Variants in NEU1 observed in about 807,000 individuals in gnomAD.
The protein encoded by NEU1 is sialidase-1.
In NEU1, 32 loss-of-function variants were observed where a neutral mutation model predicts 38.3. That is an observed-to-expected ratio of 0.84 (90% CI 0.63 to 1.12). NEU1 has a LOEUF of 1.12. Among genes scored for constraint, NEU1 ranks in the 50% most tolerant of loss-of-function variants. NEU1 has a pLI of 0.00. For synonymous variants in NEU1, 192 were observed against 225.2 expected, an observed-to-expected ratio of 0.85 and a Z score of 1.32; for missense variants, 431 against 549.2, an observed-to-expected ratio of 0.78 and a Z score of 2.15.
At position 31,860,525 on chromosome 6, in the gene NEU1, C is replaced by CTCTG; in HGVS notation, c.711_712insCAGA (p.Ala238GlnfsTer23). Reference sequence around the variant, plus strand: ...ACCCCACTTCCGTAGCGCCAGGAGGCACCATGATCATCGCTGAGGAGACAG... The same window carrying CTCTG: ...ACCCCACTTCCGTAGCGCCAGGAGGCTCTGACCATGATCATCGCTGAGGAGACAG... On this transcript the variant is annotated frameshift_variant, in exon 4 of 6. Transcript: ENST00000375631. LOFTEE classifies it high-confidence loss of function. This position sits in a 1 kb window ranked among gnomAD's most constrained non-coding sequence, Gnocchi z 4.8. 1 of 1,614,104 alleles carries CTCTG rather than the reference C, an allele frequency of 6.2e-7. No homozygotes were observed. The highest frequency in any genetic ancestry group is 8.5e-7 in the Non-Finnish European group (1 of 1,180,026).
chr6:31,862,169 T>C lies in NEU1; in HGVS notation c.182A>G (p.Glu61Gly). The change falls in exon 2 of 6, where the codon GAG (glutamate) becomes GGG (glycine). Residue 61 changes from glutamate to glycine, a missense_variant. Coordinates refer to ENST00000375631, the MANE Select transcript of NEU1 (RefSeq NM_000434.4). This position sits in a 1 kb window ranked among gnomAD's most constrained non-coding sequence, Gnocchi z 6.3. ...TCTCCCGCTCACCCACAGCAGTTGC[T>C]CCATGGTCACCAGCGGCTGCACCTG... ...FGLVQPLVTM[E>G]QLLWVSGRQI... The C allele has an allele frequency of 6.2e-7, 1 of 1,612,894 alleles. No individual in the cohort carries two copies. Among genetic ancestry groups the C allele is most frequent in the Non-Finnish European group, 8.5e-7 (1 of 1,179,966 alleles).
chr6:31,860,913 T>C lies in NEU1; in HGVS notation c.615+275A>G. On this transcript the variant is annotated intron_variant, in intron 3 of 5. Coordinates refer to ENST00000375631, the MANE Select transcript of NEU1 (RefSeq NM_000434.4). This position sits in a 1 kb window ranked among gnomAD's most constrained non-coding sequence, Gnocchi z 4.8. ...CTGTGCACCCTGGCACAGGCTTGTG[T>C]CTGTCCAAAGAGGCAGTGCCTTTTT... 1.6e-6 allele frequency: 1 copy of C among 619,234 alleles called. No individual in the cohort carries two copies. The highest frequency in any genetic ancestry group is 2.8e-6 in the Non-Finnish European group (1 of 354,028). The allele number at this position is 619,234 out of a possible 1,614,324, so 38.4% of individuals were successfully genotyped here.
chr6:31,862,783 C>G lies in NEU1; in HGVS notation c.-7G>C. ...TGGGTCGCTCCCCAGTCATCTCTCC[C>G]CGCAGCTGCCGCGACCCTGGCAGCT... On this transcript the variant is annotated 5_prime_UTR_variant, in exon 1 of 6. Transcript: ENST00000375631. The surrounding 1 kb of genome is among the most constrained non-coding windows in gnomAD (Gnocchi z 6.3). 2 of 1,612,556 alleles carry G rather than the reference C, an allele frequency of 1.2e-6. No individual in the cohort carries two copies. The highest frequency in any genetic ancestry group is 1.3e-5 in the African/African-American group (1 of 75,054).
Position 31,860,324 on chromosome 6 carries a change from G to A in NEU1, c.799-60C>T. ...AGGGAAAATGCCCTGTCCCCGAGGG[G>A]AGCAAGGGTGTGTGGCACTGAGTGG... On this transcript the variant is annotated intron_variant, in intron 4 of 5. Transcript: ENST00000375631. This position sits in a 1 kb window ranked among gnomAD's most constrained non-coding sequence, Gnocchi z 4.8. The A allele has an allele frequency of 6.2e-7, 1 of 1,605,040 alleles. No individual in the cohort carries two copies. Among genetic ancestry groups the A allele is most frequent in the East Asian group, 2.2e-5 (1 of 44,822 alleles).
chr6:31,861,310 G>A lies in NEU1; in HGVS notation c.493C>T (p.Gln165Ter). ...CATACCAACATGGTAGAGGCCACCT[G>A]GCAGCCGGCCTTGTGAGCACAAAGG... ...YSLCAHKAGC[Q>*]VASTMLVWSK... The change falls in exon 3 of 6, where the codon CAG (glutamine) becomes TAG (stop). Residue 165 changes from glutamine to a stop codon, truncating the protein, a stop_gained. Coordinates refer to ENST00000375631, the MANE Select transcript of NEU1 (RefSeq NM_000434.4). LOFTEE classifies it high-confidence loss of function. The A allele has an allele frequency of 6.2e-7, 1 of 1,613,026 alleles. No individual in the cohort carries two copies. Among genetic ancestry groups the A allele is most frequent in the Non-Finnish European group, 8.5e-7 (1 of 1,180,030 alleles).
chr6:31,860,255 G>A lies in NEU1; in HGVS notation c.808C>T (p.Leu270Phe). ...FNPDECQPYE[L>F]PDGSVVINAR... is the part of the protein sequence containing the mutation. ...TTGATGACGACTGAGCCATCTGGGA[G>A]CTCATAGGGCTGAGGGGAGAGGACA... The change falls in exon 5 of 6, where the codon CTC becomes TTC. Residue 270 changes from leucine (L) to phenylalanine (F), a missense_variant. By Grantham distance (22) the Leu-to-Phe change is conservative. Transcript: ENST00000375631. The surrounding 1 kb of genome is among the most constrained non-coding windows in gnomAD (Gnocchi z 4.8). The A allele has an allele frequency of 1.2e-6, 2 of 1,613,192 alleles. No individual in the cohort carries two copies. The highest frequency in any genetic ancestry group is 1.7e-6 in the Non-Finnish European group (2 of 1,180,012).
In NEU1 at chr6:31,858,012, A is replaced by G. The variant is rs1245638937; in HGVS notation, c.*1707T>C. 1 of 152,218 alleles carries G rather than the reference A, an allele frequency of 6.6e-6. No individual in the cohort carries two copies. The highest frequency in any genetic ancestry group is 2.1e-4 in the South Asian group (1 of 4,816). 9.4% of individuals were successfully genotyped at this position (152,218 alleles called of 1,614,324 possible). On this transcript the variant is annotated 3_prime_UTR_variant, in exon 6 of 6. Transcript: ENST00000375631. ...CCTGAGTAGCTGGGACTATAAGTGT[A>G]AGCCAACACGCCTGGCTAGTTTTTG...
chr6:31,862,292 G>C lies in NEU1; in HGVS notation c.160-101C>G. ...AGGGAGGATCTAATGGGGATCCCGA[G>C]TAGGGGATGGGGTCCCAGAACAAGA... is the stretch of plus-strand genomic sequence containing the variant. On this transcript the variant is annotated intron_variant, in intron 1 of 5. Coordinates refer to ENST00000375631, the MANE Select transcript of NEU1 (RefSeq NM_000434.4). The surrounding 1 kb of genome is among the most constrained non-coding windows in gnomAD (Gnocchi z 6.3). 2 of 1,265,144 alleles carry C rather than the reference G, an allele frequency of 1.6e-6. No homozygotes were observed. The highest frequency in any genetic ancestry group is 2.3e-6 in the Non-Finnish European group (2 of 883,840). The allele number at this position is 1,265,144 out of a possible 1,614,324, so 78.4% of individuals were successfully genotyped here.
At chr6:31,861,908 C>T (rs1762531128) in intron 2 of NEU1, 91 bp downstream of exon 2, 2 of 1,448,528 alleles carry the variant, frequency 1.4e-6, no homozygotes, top group Admixed American at 1.7e-5. Flanking sequence ...AACCAACCCT[C>T]TAAGTTCCCC....
chr6:31,860,141 T>A lies in NEU1; in HGVS notation c.922A>T (p.Thr308Ser), dbSNP rs1301513694. 2.4e-5 allele frequency: 38 copies of A among 1,612,832 alleles called. No individual in the cohort carries two copies. The highest frequency in any genetic ancestry group is 3.2e-5 in the Non-Finnish European group (38 of 1,180,008). Reference sequence around the variant, plus strand: ...GGGTCCACGAGCTCAGGGTCGAAGGTCACATCACGGGGCCTTAGTGTATCA... The same window carrying A: ...GGGTCCACGAGCTCAGGGTCGAAGGACACATCACGGGGCCTTAGTGTATCA... ...ACDTLRPRDV[T>S]FDPELVDPVV... Residue 308 changes from threonine (T) to serine (S), a missense_variant, in exon 5 of 6, where the codon ACC (threonine) becomes TCC (serine). Thr to Ser is a moderately conservative substitution (Grantham distance 58). Coordinates refer to ENST00000375631, the MANE Select transcript of NEU1 (RefSeq NM_000434.4). The surrounding 1 kb of genome is among the most constrained non-coding windows in gnomAD (Gnocchi z 4.8).
rs144295866 is a variant in NEU1, at chr6:31,862,546, C to T, written c.159+72G>A. ...GTCGCGGAAAGTCGGCTCAGCCGCC[C>T]GCGTTCCGGGGGACACTAGGTGTCG... On this transcript the variant is annotated intron_variant, in intron 1 of 5. Transcript: ENST00000375631. The surrounding 1 kb of genome is among the most constrained non-coding windows in gnomAD (Gnocchi z 6.3). 2 of 1,607,132 alleles carry T rather than the reference C, an allele frequency of 1.2e-6. No individual in the cohort carries two copies. Among genetic ancestry groups the T allele is most frequent in the South Asian group, 2.2e-5 (2 of 90,974 alleles).
rs1428301686 is a variant in NEU1 at position 31,857,720 on chromosome 6, G to A, written c.*1999C>T. The stretch of plus-strand genomic sequence containing the variant: ...GATTCTTTTCATAAGCATCTGCCTG[G>A]GGAATATTTTCTTACATAATTTGCC... On this transcript the variant is annotated 3_prime_UTR_variant, in exon 6 of 6. Coordinates refer to ENST00000375631, the MANE Select transcript of NEU1 (RefSeq NM_000434.4). 1 of 151,868 alleles carries A rather than the reference G, an allele frequency of 6.6e-6. No homozygotes were observed. Among genetic ancestry groups the A allele is most frequent in the African/African-American group, 2.4e-5 (1 of 41,306 alleles). The allele number at this position is 151,868 out of a possible 1,614,324, so 9.4% of individuals were successfully genotyped here.
In NEU1 at chr6:31,859,852, G is replaced by A. The variant is rs1762434048; in HGVS notation, c.1115C>T (p.Ser372Phe). The A allele has an allele frequency of 6.2e-7, 1 of 1,612,980 alleles. No individual in the cohort carries two copies. The highest frequency in any genetic ancestry group is 1.3e-5 in the African/African-American group (1 of 74,926). ...CATGCTGCCCTCCAGGGTTGCCAGG[G>A]ATGAATAGCCACTGGGGCCTGGCCA... ...QLWPGPSGYS[S>F]LATLEGSMDG... The change falls in exon 6 of 6, where the codon TCC (serine) becomes TTC (phenylalanine). Residue 372 changes from serine (S) to phenylalanine (F), a missense_variant. Physicochemically the swap from Ser to Phe is radical, Grantham distance 155. Transcript: ENST00000375631.
Position 31,860,645 on chromosome 6 carries a change from C to T in NEU1, c.616-24G>A, listed in dbSNP as rs1762475650. On this transcript the variant is annotated intron_variant, in intron 3 of 5. Coordinates refer to ENST00000375631, the MANE Select transcript of NEU1 (RefSeq NM_000434.4). The surrounding 1 kb of genome is among the most constrained non-coding windows in gnomAD (Gnocchi z 4.8). ...TTCTGTGGGAAAGGGAACTGGGTGT[C>T]ACAGAAGGAGACTCTAGGGGCTCAG... 1 of 1,612,530 alleles carries T rather than the reference C, an allele frequency of 6.2e-7. No homozygotes were observed. The highest frequency in any genetic ancestry group is 8.5e-7 in the Non-Finnish European group (1 of 1,179,932).
In NEU1 at chr6:31,862,476, G is replaced by A; in HGVS notation, c.159+142C>T. The A allele has an allele frequency of 8.3e-7, 1 of 1,211,078 alleles. No individual in the cohort carries two copies. Among genetic ancestry groups the A allele is most frequent in the South Asian group, 1.3e-5 (1 of 75,442 alleles). 75.0% of individuals were successfully genotyped at this position (1,211,078 alleles called of 1,614,324 possible). A position where few individuals can be genotyped will look rare whatever the true frequency, so the allele number is the denominator to read the frequency against. On this transcript the variant is annotated intron_variant, in intron 1 of 5. Coordinates refer to ENST00000375631, the MANE Select transcript of NEU1 (RefSeq NM_000434.4). This position sits in a 1 kb window ranked among gnomAD's most constrained non-coding sequence, Gnocchi z 6.3. ...GGGACCCGGAGAGGGAGAGGGGCTG[G>A]GAGCGGTAGGAGGAAACGGGGTCTG...
chr6:31,860,296 A>G lies in NEU1; in HGVS notation c.799-32T>C. On this transcript the variant is annotated intron_variant, in intron 4 of 5. Transcript: ENST00000375631. The surrounding 1 kb of genome is among the most constrained non-coding windows in gnomAD (Gnocchi z 4.8). ...GGAGAGGACAGGACCTCAGGGAGGG[A>G]ACAGGGAAAATGCCCTGTCCCCGAG... The G allele has an allele frequency of 6.2e-7, 1 of 1,609,364 alleles. No homozygotes were observed. The highest frequency in any genetic ancestry group is 2.2e-5 in the East Asian group (1 of 44,838).
In NEU1 at chr6:31,859,805, G is replaced by T; in HGVS notation, c.1162C>A (p.Gln388Lys). The change falls in exon 6 of 6, where the codon CAG becomes AAG. Residue 388 changes from glutamine to lysine, a missense_variant. Physicochemically the swap from Gln to Lys is moderately conservative, Grantham distance 53 (BLOSUM62 1). Transcript: ENST00000375631. ...GSMDGEEQAP[Q>K]LYVLYEKGRN... ...CCTTTCTCATACAGGACGTAGAGCT[G>T]GGGGGCCTGCTCCTCTCCATCCATG... 1 of 1,612,972 alleles carries T rather than the reference G, an allele frequency of 6.2e-7. No homozygotes were observed. The highest frequency in any genetic ancestry group is 8.5e-7 in the Non-Finnish European group (1 of 1,180,014).
At position 31,860,941 on chromosome 6, in the gene NEU1, A is replaced by C; in HGVS notation, c.615+247T>G. On this transcript the variant is annotated intron_variant, in intron 3 of 5. Coordinates refer to ENST00000375631, the MANE Select transcript of NEU1 (RefSeq NM_000434.4). This position sits in a 1 kb window ranked among gnomAD's most constrained non-coding sequence, Gnocchi z 4.8. Reference sequence around the variant, plus strand: ...GTCCAAAGAGGCAGTGCCTTTTTCTACTTTGCATGAGGGTATTGCATGGAC... The same window carrying C: ...GTCCAAAGAGGCAGTGCCTTTTTCTCCTTTGCATGAGGGTATTGCATGGAC... 1.6e-6 allele frequency: 1 copy of C among 624,362 alleles called. No individual in the cohort carries two copies. Among genetic ancestry groups the C allele is most frequent in the Non-Finnish European group, 2.8e-6 (1 of 359,098 alleles). 38.7% of individuals were successfully genotyped at this position (624,362 alleles called of 1,614,324 possible). A position where few individuals can be genotyped will look rare whatever the true frequency, so the allele number is the denominator to read the frequency against.
rs115380335 is a variant in NEU1, at chr6:31,862,681, G to A, written c.96C>T (p.Ala32=). ...CCAGAGACAGCAGCAGGAAGATCGC[G>A]GCAAACACCCAAACCCTACAGCCTC... ...FWGGCRVWVF[A]AIFLLLSLAA... is the part of the protein sequence containing the mutation. The change falls in exon 1 of 6, where the codon GCC becomes GCT. Residue 32 remains alanine, a synonymous_variant. Coordinates refer to ENST00000375631, the MANE Select transcript of NEU1 (RefSeq NM_000434.4). The surrounding 1 kb of genome is among the most constrained non-coding windows in gnomAD (Gnocchi z 6.3). 278 of 1,612,998 alleles carry A rather than the reference G, an allele frequency of 1.7e-4. No individual in the cohort carries two copies. The highest frequency in any genetic ancestry group is 2.3e-4 in the Non-Finnish European group (272 of 1,180,010).
Sources: allele counts gnomAD v4.1 joint callset, GRCh38; gene constraint gnomAD v4.1.1; non-coding constraint Gnocchi (gnomAD v3.1); transcripts MANE v1.5; gene names NCBI Gene and HGNC (gene_info 2026-07-23, HGNC 2026-07-21).